Variants in CFAP20DC observed in about 807,000 individuals in gnomAD.
CFAP20DC encodes protein CFAP20DC.
In CFAP20DC, 84 loss-of-function variants were observed where a neutral mutation model predicts 101.7. That is an observed-to-expected ratio of 0.83 (90% CI 0.69 to 0.99). CFAP20DC has a LOEUF of 0.99. Among genes scored for constraint, CFAP20DC ranks in the 50% least tolerant of loss-of-function variants. CFAP20DC has a pLI of 0.00. For missense variants in CFAP20DC, 1,007 were observed against 970.3 expected (o/e 1.04, Z -0.50); for synonymous variants, 359 against 351.2 (o/e 1.02, Z -0.25).
chr3:59,030,217 A>G (rs1214694534), intron 4 of CFAP20DC, among the ~76,000 whole-genome samples: 1 of 152,250 alleles, frequency 6.6e-6, no homozygotes, highest in East Asian at 1.9e-4. Flanking sequence ...GCCTAGAGCT[A>G]TGCTGCCAGA....
chr3:59,030,289 A>G (rs988217362), intron 4 of CFAP20DC, among the ~76,000 whole-genome samples: 1 of 152,260 alleles, frequency 6.6e-6, no homozygotes, highest in African/African-American at 2.4e-5. Context: ...GAAAAAAAGC[A>G]GTGCAGCAAT....
chr3:58,783,564 G>C (rs9878708), intron 15 of CFAP20DC, among the ~76,000 whole-genome samples: 18,191 of 151,952 alleles, frequency 0.12, 1,967 homozygotes, highest in East Asian at 0.35. Flanking sequence ...CATTTGACAA[G>C]AGAATATCCA....
In CFAP20DC at chr3:58,850,538, A is replaced by C. The variant is rs186729080; in HGVS notation, c.1594-1129T>G. 3.8e-3 allele frequency among the ~76,000 whole-genome samples: 576 copies of C among 151,536 alleles called. 4 individuals are homozygous for C. The highest frequency in any genetic ancestry group is 0.013 in the African/African-American group (551 of 41,334). ...GGGAGGCGGAGGTTGCAGTGAGGCA[A>C]GATCATGCCATTGCACCCCAGCCTG... is the stretch of plus-strand genomic sequence containing the variant. On this transcript the variant is annotated intron_variant, in intron 12 of 16. Coordinates refer to ENST00000482387, the MANE Select transcript of CFAP20DC (RefSeq NM_001394063.1).
Position 58,974,309 on chromosome 3 carries a change from T to A in CFAP20DC, c.279-36547A>T, listed in dbSNP as rs149633516. ...AGTGTCTTTTGTTCCCCTCTTTGTG[T>A]CTGTGTGTACTCAATGTTTAGCTCC... On this transcript the variant is annotated intron_variant, in intron 4 of 16. Coordinates refer to ENST00000482387, the MANE Select transcript of CFAP20DC (RefSeq NM_001394063.1). Among the ~76,000 whole-genome samples the A allele has an allele frequency of 4.6e-3, 699 of 152,238 alleles. 5 individuals are homozygous for A. Among genetic ancestry groups the A allele is most frequent in the Non-Finnish European group, 7.7e-3 (526 of 67,998 alleles).
chr3:58,759,914 A>T (rs2069376654), intron 15 of CFAP20DC, among the ~76,000 whole-genome samples: 1 of 152,160 alleles, frequency 6.6e-6, no homozygotes, highest in Non-Finnish European at 1.5e-5. Context: ...TGGTACCAGT[A>T]CCATGCTGTT....
At chr3:58,815,482 G>A (rs2075042135) in intron 14 of CFAP20DC, among the ~76,000 whole-genome samples, 1 of 149,376 alleles carries the variant, frequency 6.7e-6, no homozygotes, top group African/African-American at 2.5e-5. Flanking sequence ...CAAAAGCAAT[G>A]GCAACAAAAG....
chr3:59,013,767 C>T (rs2108894554), intron 4 of CFAP20DC, among the ~76,000 whole-genome samples: 1 of 152,220 alleles, frequency 6.6e-6, no homozygotes, highest in East Asian at 1.9e-4. Flanking sequence ...ATTCACAGAA[C>T]TAAGCATTTA....
At chr3:58,803,823 T>C (rs11713660) in intron 15 of CFAP20DC, among the ~76,000 whole-genome samples, 2 of 152,256 alleles carry the variant, frequency 1.3e-5, no homozygotes, top group African/African-American at 2.4e-5. Context: ...TATTTCATTA[T>C]GCAGAAGTGT....
In CFAP20DC at chr3:58,964,018, T is replaced by G. The variant is rs145285693; in HGVS notation, c.279-26256A>C. On this transcript the variant is annotated intron_variant, in intron 4 of 16. Transcript: ENST00000482387. The surrounding 1 kb of genome is among the most constrained non-coding windows in gnomAD (Gnocchi z 4.1). The stretch of plus-strand genomic sequence containing the variant: ...GGCCATCTAGGCAAGGGTTAAGTTA[T>G]GCACTATTACACTTAAAGAATGAAC... 1.6e-3 allele frequency among the ~76,000 whole-genome samples: 246 copies of G among 152,352 alleles called. No homozygotes were observed. The highest frequency in any genetic ancestry group is 3.1e-3 in the Non-Finnish European group (210 of 68,034).
At chr3:58,743,271 G>GAA (rs111687111) in intron 16 of CFAP20DC, among the ~76,000 whole-genome samples, 86 of 138,684 alleles carry the variant, frequency 6.2e-4, no homozygotes, top group African/African-American at 1.6e-3. Flanking sequence ...GGCATGAAAT[G>GAA]AAAAAAAAAA....
intron 15 of CFAP20DC, among the ~76,000 whole-genome samples, chr3:58,756,148 C>T (rs974928255): frequency 1.3e-5 from 2 of 152,132 alleles, no homozygotes; most frequent in African/African-American, 4.8e-5. Context: ...TAACTGTGCA[C>T]TCACATTGGT....
chr3:58,951,435 C>T (rs950837908), intron 4 of CFAP20DC, among the ~76,000 whole-genome samples: 2 of 152,176 alleles, frequency 1.3e-5, no homozygotes, highest in Non-Finnish European at 2.9e-5. Flanking sequence ...AGAAATCATG[C>T]TGCTATAAAG....
At chr3:58,954,194 C>T (rs989164917) in intron 4 of CFAP20DC, among the ~76,000 whole-genome samples, 1 of 152,046 alleles carries the variant, frequency 6.6e-6, no homozygotes, top group East Asian at 1.9e-4. Context: ...AGTTTTTTTC[C>T]ACAATGGCAG....
At chr3:59,026,373 A>G (rs1031802236) in intron 4 of CFAP20DC, among the ~76,000 whole-genome samples, 7 of 152,302 alleles carry the variant, frequency 4.6e-5, no homozygotes, top group African/African-American at 1.7e-4. Flanking sequence ...AAAAGATTTC[A>G]CTGGATAACA....
chr3:58,827,503 G>C (rs2076123280), intron 14 of CFAP20DC, among the ~76,000 whole-genome samples: 1 of 152,092 alleles, frequency 6.6e-6, no homozygotes, highest in African/African-American at 2.4e-5. Flanking sequence ...ACTAAGAGGA[G>C]GTTATCTTGC....
At chr3:58,942,378 T>C (rs1216595911) in intron 4 of CFAP20DC, among the ~76,000 whole-genome samples, 2 of 152,192 alleles carry the variant, frequency 1.3e-5, no homozygotes, top group Non-Finnish European at 2.9e-5. Context: ...GGTACCCGGC[T>C]CATTTCACTG....
At chr3:58,948,905 A>G (rs1364484783) in intron 4 of CFAP20DC, among the ~76,000 whole-genome samples, 1 of 152,184 alleles carries the variant, frequency 6.6e-6, no homozygotes, top group Non-Finnish European at 1.5e-5. Flanking sequence ...TTCGGCTGTG[A>G]ATCCTTCTGG....
intron 4 of CFAP20DC, among the ~76,000 whole-genome samples, chr3:58,979,734 A>AT (rs2092442318): frequency 6.6e-6 from 1 of 151,926 alleles, no homozygotes; most frequent in East Asian, 1.9e-4. Flanking sequence ...GAAATGCCTC[A>AT]TTTTCTGAAC....
In CFAP20DC at chr3:58,795,449, G is replaced by C. The variant is rs1478945540; in HGVS notation, c.2237+10946C>G. Among the ~76,000 whole-genome samples the C allele has an allele frequency of 6.6e-6, 1 of 152,160 alleles. No homozygotes were observed. Among genetic ancestry groups the C allele is most frequent in the African/African-American group, 2.4e-5 (1 of 41,444 alleles). On this transcript the variant is annotated intron_variant, in intron 15 of 16. Transcript: ENST00000482387. This position sits in a 1 kb window ranked among gnomAD's most constrained non-coding sequence, Gnocchi z 4.2. ...GAGCCCAGGAGTACGAGACCAGCTT[G>C]GGCAACAGGGCAAGACCCCATTTCT...
Sources: gnomAD v4.1 joint callset for allele counts (sites outside exome capture counted in the v4.1 genomes callset) on GRCh38, gnomAD v4.1.1 for gene constraint, Gnocchi (gnomAD v3.1) non-coding constraint, MANE v1.5 for transcripts, NCBI Gene and HGNC (gene_info 2026-07-23, HGNC 2026-07-21) for gene names.